Variants in DHX32 observed in about 807,000 individuals in gnomAD.
DHX32 encodes the protein putative pre-mRNA-splicing factor ATP-dependent RNA helicase DHX32.
A neutral mutation model predicts 70.0 loss-of-function variants in DHX32; 51 were observed. The observed-to-expected ratio is 0.73, with a 90% CI of 0.58 to 0.92. The LOEUF (loss-of-function observed/expected upper bound fraction) is 0.92, where lower values mean the gene tolerates loss of function less well. Ranked by LOEUF, DHX32 falls within the 40% of genes least tolerant of loss-of-function variation. The probability of loss-of-function intolerance (pLI) is 0.00; values close to 1 mark genes in which losing one functional copy is unlikely to be tolerated. For synonymous variants in DHX32, 310 were observed against 315.3 expected (o/e 0.98, Z 0.18); for missense variants, 762 against 891.8 (o/e 0.85, Z 1.85).
At chr10:125,855,117 A>G (rs1944134724) in intron 3 of DHX32, among the ~76,000 whole-genome samples, 1 of 151,638 alleles carries the variant, frequency 6.6e-6, no homozygotes, top group African/African-American at 2.4e-5. Context: ...AGCTACTCAC[A>G]AGGCTGAGGC....
intron 1 of DHX32, among the ~76,000 whole-genome samples, chr10:125,893,068 C>T (rs1459670117): frequency 2.0e-5 from 3 of 152,216 alleles, no homozygotes. Flanking sequence ...CAAGATCCAT[C>T]CATATGAGAT....
chr10:125,846,033 A>G (rs1383123690), intron 6 of DHX32, among the ~76,000 whole-genome samples: 1 of 152,242 alleles, frequency 6.6e-6, no homozygotes, highest in African/African-American at 2.4e-5. Context: ...AGGAAGCTGA[A>G]TTTGTCTCCC....
At chr10:125,838,497 C>G (rs1854772479) in intron 9 of DHX32, 110 bp from the exon 10 acceptor site, 1 of 1,024,258 alleles carries the variant, frequency 9.8e-7, no homozygotes, top group African/African-American at 1.6e-5. Flanking sequence ...ATAGTTAAAA[C>G]TAACGTTTGC....
At chr10:125,862,688 A>C (rs1293836367) in intron 2 of DHX32, among the ~76,000 whole-genome samples, 5 of 152,180 alleles carry the variant, frequency 3.3e-5, no homozygotes. Flanking sequence ...GGAATTGTGA[A>C]GGCTCAATCC....
intron 1 of DHX32, among the ~76,000 whole-genome samples, chr10:125,891,245 G>A (rs1589720914): frequency 6.6e-6 from 1 of 152,222 alleles, no homozygotes; most frequent in Non-Finnish European, 1.5e-5. Context: ...TTTTGTGTGA[G>A]ATTCAATAAA....
chr10:125,889,637 G>A (rs76746827), intron 1 of DHX32, among the ~76,000 whole-genome samples: 31 of 149,914 alleles, frequency 2.1e-4, no homozygotes, highest in South Asian at 8.5e-4. Context: ...CACAAGCTCC[G>A]GATCTCACTG....
rs1465176198 is a variant in DHX32, at chr10:125,859,782, T to C, written c.670A>G (p.Lys224Glu). The change falls in exon 3 of 11, where the codon AAA (lysine) becomes GAA (glutamate). Residue 224 changes from lysine (K) to glutamate (E), a missense_variant. Coordinates refer to ENST00000284690, the MANE Select transcript of DHX32 (RefSeq NM_018180.3). ...ACGTTTCCATAATAAGAATTGAGTTTGCTGATCAGGTGAGGTGAGGAGTTA... is the reference window on the plus strand; with the variant it reads ...ACGTTTCCATAATAAGAATTGAGTTCGCTGATCAGGTGAGGTGAGGAGTTA... ...IINSSPHLIS[K>E]LNSYYGNVPV... 6.2e-7 allele frequency: 1 copy of C among 1,614,070 alleles called. No homozygotes were observed. The highest frequency in any genetic ancestry group is 8.5e-7 in the Non-Finnish European group (1 of 1,180,004).
At chr10:125,884,419 C>T (rs565905743), upstream of DHX32, among the ~76,000 whole-genome samples, 6 of 152,338 alleles carry the variant, frequency 3.9e-5, no homozygotes, top group South Asian at 1.2e-3. Flanking sequence ...GTATAAACTA[C>T]ATTCCACTAT....
At chr10:125,847,938 C>G (rs933884642) in intron 6 of DHX32, among the ~76,000 whole-genome samples, 1 of 152,204 alleles carries the variant, frequency 6.6e-6, no homozygotes, top group African/African-American at 2.4e-5. Context: ...GCTTGCCCCC[C>G]ACTCACCTCC....
intron 1 of DHX32, among the ~76,000 whole-genome samples, chr10:125,895,975 G>T (rs1327030647): frequency 6.6e-6 from 1 of 152,350 alleles, no homozygotes; most frequent in African/African-American, 2.4e-5. Flanking sequence ...CTCGGAGGGA[G>T]CCCCTGGTGC....
chr10:125,867,223 A>C, intron 1 of DHX32, 40 bp from the exon 2 acceptor site: 1 of 1,507,774 alleles, frequency 6.6e-7, no homozygotes, highest in Non-Finnish European at 9.0e-7. Flanking sequence ...GCTTCTGCTG[A>C]AAACAAAACA....
At chr10:125,879,620 G>C (rs1422634068) in intron 1 of DHX32, among the ~76,000 whole-genome samples, 1 of 152,146 alleles carries the variant, frequency 6.6e-6, no homozygotes, top group Non-Finnish European at 1.5e-5. Context: ...TAATTCATGA[G>C]TCATTCTTTG....
In DHX32 at chr10:125,836,806, C is replaced by G. The variant is rs767167630; in HGVS notation, c.2113G>C (p.Glu705Gln). Residue 705 changes from glutamate to glutamine, a missense_variant, in exon 11 of 11, where the codon GAA (glutamate) becomes CAA (glutamine). By Grantham distance (29) the Glu-to-Gln change is conservative. This residue lies in a region of DHX32 where 366 missense variants were observed against 402.6 expected (regional missense o/e 0.91). Coordinates refer to ENST00000284690, the MANE Select transcript of DHX32 (RefSeq NM_018180.3). Reference sequence around the variant, plus strand: ...ACTTGCTGTAGAATGTCCTTACTTTCACTAGGAGGCAGATTACTGAAATAG... The same window carrying G: ...ACTTGCTGTAGAATGTCCTTACTTTGACTAGGAGGCAGATTACTGAAATAG... ...QYYFSNLPPSESKDILQQVVD... is the reference protein window; with the variant it reads ...QYYFSNLPPSQSKDILQQVVD... 44 of 1,614,028 alleles carry G rather than the reference C, an allele frequency of 2.7e-5. No homozygotes were observed. The highest frequency in any genetic ancestry group is 1.6e-4 in the Middle Eastern group (1 of 6,084).
intron 3 of DHX32, chr10:125,854,535 C>T (rs1411714578): frequency 2.2e-5 from 4 of 181,106 alleles, no homozygotes; most frequent in African/African-American, 9.5e-5. Flanking sequence ...TGTCTCTTTC[C>T]TTTCCATACC....
At chr10:125,860,116 G>A in intron 2 of DHX32, 141 bp from the exon 3 acceptor site, 1 of 704,432 alleles carries the variant, frequency 1.4e-6, no homozygotes. Flanking sequence ...ATTCCTTTAA[G>A]TTGATACAAT....
chr10:125,876,224 C>A (rs1233318298), intron 1 of DHX32, among the ~76,000 whole-genome samples: 1 of 152,246 alleles, frequency 6.6e-6, no homozygotes, highest in African/African-American at 2.4e-5. Flanking sequence ...ACCAAACTAT[C>A]CTTGAAAAAC....
chr10:125,852,337 A>G lies in DHX32; in HGVS notation c.1307T>C (p.Ile436Thr), dbSNP rs748342353. The change falls in exon 6 of 11, where the codon ATA becomes ACA. Residue 436 changes from isoleucine to threonine, a missense_variant. Physicochemically the swap from Ile to Thr is moderately conservative, Grantham distance 89. Coordinates refer to ENST00000284690, the MANE Select transcript of DHX32 (RefSeq NM_018180.3). ...LTSMVLFMKR[I>T]DIAGLGHCDF... ...ACAGTGGCCTAGGCCCGCAATGTCT[A>G]TCCTCTTCATAAAAAGCACCATGCT... The G allele has an allele frequency of 8.1e-6, 13 of 1,614,050 alleles. No homozygotes were observed. Among genetic ancestry groups the G allele is most frequent in the African/African-American group, 4.0e-5 (3 of 74,908 alleles).
intron 1 of DHX32, among the ~76,000 whole-genome samples, chr10:125,871,960 T>A (rs889021741): frequency 6.6e-6 from 1 of 151,736 alleles, no homozygotes; most frequent in African/African-American, 2.4e-5. Context: ...CCTCCCGGGT[T>A]CAAGCAATTC....
At chr10:125,881,569 C>T (rs1025389143), upstream of DHX32, among the ~76,000 whole-genome samples, 1 of 152,150 alleles carries the variant, frequency 6.6e-6, no homozygotes, top group Non-Finnish European at 1.5e-5. Context: ...TTTCCTTTTG[C>T]TTATGTCAGT....
Sources: gnomAD v4.1 joint callset for allele counts (sites outside exome capture counted in the v4.1 genomes callset) on GRCh38, gnomAD v4.1.1 for gene constraint, gnomAD v4.1.1 regional missense constraint, MANE v1.5 for transcripts, NCBI Gene and HGNC (gene_info 2026-07-23, HGNC 2026-07-21) for gene names.